The following STPG2 variants were observed in gnomAD, a reference collection of about 807,000 sequenced individuals.
STPG2 encodes sperm tail PG-rich repeat containing 2, also known as sperm-tail PG-rich repeat-containing protein 2.
Under a neutral mutation model 54.2 loss-of-function variants are expected in STPG2, and 56 were observed. That is an observed-to-expected ratio of 1.03 (90% confidence interval 0.83 to 1.29). STPG2 has a LOEUF of 1.29. STPG2 is among the 50% of genes most tolerant of loss of function. The pLI is 0.00. For synonymous variants in STPG2, 200 were observed against 181.8 expected, an observed-to-expected ratio of 1.10 and a Z score of -0.81; for missense variants, 596 against 544.9, an observed-to-expected ratio of 1.09 and a Z score of -0.93.
intron 10 of STPG2, among the ~76,000 whole-genome samples, chr4:97,668,590 A>T (rs894288321): frequency 7.0e-6 from 1 of 142,946 alleles, no homozygotes; most frequent in Non-Finnish European, 1.5e-5. Context: ...CACAGGGCTT[A>T]GTGGTCAACA....
chr4:97,680,673 C>T (rs1723004701), intron 10 of STPG2, among the ~76,000 whole-genome samples: 1 of 151,882 alleles, frequency 6.6e-6, no homozygotes, highest in African/African-American at 2.4e-5. Flanking sequence ...TATATCATGC[C>T]CATTTTAAAG....
chr4:97,880,819 G>T (rs969472070), intron 8 of STPG2, among the ~76,000 whole-genome samples: 1 of 151,830 alleles, frequency 6.6e-6, no homozygotes, highest in Non-Finnish European at 1.5e-5. Flanking sequence ...ACACACTTAG[G>T]AGTAACTGAG....
intron 9 of STPG2, among the ~76,000 whole-genome samples, chr4:97,805,551 C>G (rs1727532407): frequency 6.6e-6 from 1 of 152,092 alleles, no homozygotes; most frequent in South Asian, 2.1e-4. Context: ...TGTTTGTTGG[C>G]CAATTGTATG....
intron 10 of STPG2, among the ~76,000 whole-genome samples, chr4:97,622,386 T>G (rs542720197): frequency 3.8e-4 from 58 of 152,272 alleles, no homozygotes; most frequent in Admixed American, 2.8e-3. Context: ...CCCCATAGTC[T>G]CTGCCCAAAA....
At chr4:97,752,820 C>A (rs1036668573) in intron 9 of STPG2, among the ~76,000 whole-genome samples, 1 of 151,748 alleles carries the variant, frequency 6.6e-6, no homozygotes, top group Non-Finnish European at 1.5e-5. Context: ...TATTCAGATT[C>A]TACATCCTTC....
At chr4:97,900,565 A>G (rs1731137120) in intron 8 of STPG2, among the ~76,000 whole-genome samples, 1 of 152,102 alleles carries the variant, frequency 6.6e-6, no homozygotes, top group African/African-American at 2.4e-5. Context: ...AATGTGGTGT[A>G]TATACACAAT....
At chr4:97,763,514 T>C (rs543134786) in intron 9 of STPG2, among the ~76,000 whole-genome samples, 1 of 152,226 alleles carries the variant, frequency 6.6e-6, no homozygotes, top group Non-Finnish European at 1.5e-5. Flanking sequence ...ATAGGTGACA[T>C]GTAACTAAGG....
rs776377621 is a variant in STPG2 at position 97,840,938 on chromosome 4, A to C, written c.1045-6T>G. The C allele has an allele frequency of 6.2e-7, 1 of 1,609,834 alleles. No individual in the cohort carries two copies. The highest frequency in any genetic ancestry group is 1.3e-5 in the African/African-American group (1 of 74,634). ...CTGCCTGGCGCTGGAATAACCTGAAAAAAAATTTAATAGATGAGCATAAAT... is the reference window on the plus strand; with the variant it reads ...CTGCCTGGCGCTGGAATAACCTGAACAAAAATTTAATAGATGAGCATAAAT... On this transcript the variant is annotated splice_region_variant and splice_polypyrimidine_tract_variant and intron_variant, in intron 8 of 10. Transcript: ENST00000295268.
chr4:98,133,359 T>C (rs187684659), intron 2 of STPG2, among the ~76,000 whole-genome samples: 70 of 152,152 alleles, frequency 4.6e-4, no homozygotes, highest in Non-Finnish European at 7.4e-4. Context: ...GATCTACAAA[T>C]AGCCCTTTTC....
rs189516139 is a variant in STPG2, at chr4:97,751,082, T to C, written c.1205-38268A>G. ...CCCAAGAAAGACCTATCTAATGTGA[T>C]TGACCCCAAATAAAAACTCTGAATA... On this transcript the variant is annotated intron_variant, in intron 9 of 10. Transcript: ENST00000295268. Among the ~76,000 whole-genome samples the C allele has an allele frequency of 4.4e-3, 666 of 151,954 alleles. 3 individuals carry two copies. Among genetic ancestry groups the C allele is most frequent in the South Asian group, 0.024 (116 of 4,824 alleles).
At chr4:97,500,508 A>T (rs778657373) in intron 4 of STPG2, among the ~76,000 whole-genome samples, 13 of 152,048 alleles carry the variant, frequency 8.5e-5, no homozygotes, top group Non-Finnish European at 1.5e-4. Context: ...TTCTCAACAT[A>T]TGGATAGCAT....
chr4:98,134,432 G>A lies in STPG2; in HGVS notation c.137C>T (p.Thr46Ile). Residue 46 changes from threonine to isoleucine, a missense_variant, in exon 2 of 11, where the codon ACT (threonine) becomes ATT (isoleucine). By Grantham distance (89) the Thr-to-Ile change is moderately conservative (BLOSUM62 -1). Transcript: ENST00000295268. ...AATGGTAAAAGTACTTTCTCTGGCA[G>A]TCAAAGAAAGAAATGGTGCATTACT... ...TGSNAPFLSL[T>I]ARESTFTIAS... is the part of the protein sequence containing the mutation. 6.3e-7 allele frequency: 1 copy of A among 1,584,248 alleles called. No homozygotes were observed. Among genetic ancestry groups the A allele is most frequent in the Non-Finnish European group, 8.6e-7 (1 of 1,162,592 alleles).
intron 9 of STPG2, among the ~76,000 whole-genome samples, chr4:97,719,965 G>C (rs192341942): frequency 6.6e-4 from 101 of 152,000 alleles, no homozygotes; most frequent in African/African-American, 2.3e-3. Flanking sequence ...CATGAGGCTG[G>C]CAGTATTAAG....
At chr4:97,999,426 G>A (rs1405617098) in intron 5 of STPG2, among the ~76,000 whole-genome samples, 8 of 152,204 alleles carry the variant, frequency 5.3e-5, no homozygotes, top group African/African-American at 1.9e-4. Flanking sequence ...GGCAAGGCCA[G>A]GCGCAGTGGC....
intron 5 of STPG2, among the ~76,000 whole-genome samples, chr4:98,008,304 TAAA>T (rs34947608): frequency 6.7e-6 from 1 of 149,452 alleles, no homozygotes. Context: ...ATTCTGAAAT[TAAA>T]AAAAAAAGCT....
intron 4 of STPG2, among the ~76,000 whole-genome samples, chr4:97,455,561 G>GA (rs1428179648): frequency 6.6e-6 from 1 of 152,114 alleles, no homozygotes; most frequent in Non-Finnish European, 1.5e-5. Flanking sequence ...GACTCCAGGG[G>GA]AAAAACCACC....
At chr4:97,539,230 TA>T (rs1731626603) in intron 4 of STPG2, among the ~76,000 whole-genome samples, 1 of 152,154 alleles carries the variant, frequency 6.6e-6, no homozygotes, top group Non-Finnish European at 1.5e-5. Context: ...ATGCTCCAAT[TA>T]AAAGACACAG....
At chr4:97,888,233 G>A (rs1400469312) in intron 8 of STPG2, among the ~76,000 whole-genome samples, 1 of 152,096 alleles carries the variant, frequency 6.6e-6, no homozygotes, top group African/African-American at 2.4e-5. Flanking sequence ...GTGATAAGAG[G>A]GCCACCATCC....
chr4:98,098,985 A>T (rs1352951417), intron 5 of STPG2, among the ~76,000 whole-genome samples: 2 of 152,140 alleles, frequency 1.3e-5, no homozygotes, highest in African/African-American at 4.8e-5. Context: ...TGTGGAGGAA[A>T]GGAAACCCTT....
Sources: allele counts gnomAD v4.1 joint callset (sites outside exome capture counted in the v4.1 genomes callset), GRCh38; gene constraint gnomAD v4.1.1; transcripts MANE v1.5; gene names NCBI Gene and HGNC (gene_info 2026-07-23, HGNC 2026-07-21).